The following AP2A2 variants were observed in gnomAD, a reference collection of about 807,000 sequenced individuals.
AP2A2 encodes the protein adaptor related protein complex 2 subunit alpha 2, also known as AP-2 complex subunit alpha-2.
AP2A2 carries 32 observed loss-of-function variants against 104.2 expected under a neutral mutation model. That is an observed-to-expected ratio of 0.31 (90% confidence interval 0.23 to 0.41). The LOEUF (loss-of-function observed/expected upper bound fraction) is 0.41, where lower values mean the gene tolerates loss of function less well. Ranked by LOEUF, AP2A2 falls within the 10% of genes least tolerant of loss-of-function variation. AP2A2 has a pLI of 1.00. For synonymous variants in AP2A2, 539 were observed against 533.3 expected (o/e 1.01, Z -0.15); for missense variants, 912 against 1,261.0 (o/e 0.72, Z 4.19).
intron 1 of AP2A2, among the ~76,000 whole-genome samples, chr11:933,951 A>G (rs547929011): frequency 6.6e-5 from 10 of 152,180 alleles, no homozygotes; most frequent in African/African-American, 2.4e-4. Context: ...GGTTGGGGGT[A>G]TCAAGGCTTC....
Position 927,913 on chromosome 11 carries a change from C to G in AP2A2, c.67+1825C>G, listed in dbSNP as rs189052715. On this transcript the variant is annotated intron_variant, in intron 1 of 21. Coordinates refer to ENST00000448903, the MANE Select transcript of AP2A2 (RefSeq NM_012305.4). ...CTCTTTGTTTGTTACATAATGAGAC[C>G]AACATGCATTTTGTAAAACTAAGTG... 3.3e-5 allele frequency among the ~76,000 whole-genome samples: 5 copies of G among 151,200 alleles called. No individual in the cohort carries two copies. The East Asian group carries it at 7.8e-4, about 23-fold the overall frequency.
Position 944,366 on chromosome 11 carries a change from G to T in AP2A2, c.68-15071G>T, listed in dbSNP as rs568485819. 1.1e-4 allele frequency among the ~76,000 whole-genome samples: 17 copies of T among 152,328 alleles called. No individual in the cohort carries two copies. The South Asian group carries it at 3.1e-3, about 28-fold the overall frequency. ...TATTCTTACCAAGTATTTATTGAGAGCCTGCTACAATGCCAGGCACTTCCC... is the reference window on the plus strand; with the variant it reads ...TATTCTTACCAAGTATTTATTGAGATCCTGCTACAATGCCAGGCACTTCCC... On this transcript the variant is annotated intron_variant, in intron 1 of 21. Transcript: ENST00000448903.
intron 1 of AP2A2, among the ~76,000 whole-genome samples, chr11:928,172 T>C (rs896745996): frequency 4.6e-5 from 7 of 152,208 alleles, no homozygotes; most frequent in Non-Finnish European, 1.5e-5. Flanking sequence ...CCTCCCTTAT[T>C]TGTGGTTTCA....
chr11:932,052 G>T (rs569393823), intron 1 of AP2A2, among the ~76,000 whole-genome samples: 35 of 152,140 alleles, frequency 2.3e-4, no homozygotes, highest in African/African-American at 8.0e-4. Context: ...ACCACGCCCG[G>T]CCAGGTTCAA....
At chr11:1,008,956 G>C in intron 18 of AP2A2, 144 bp from the exon 19 acceptor site, 2 of 648,948 alleles carry the variant, frequency 3.1e-6, no homozygotes, top group Non-Finnish European at 2.7e-6. Flanking sequence ...CACACGATCC[G>C]TGGGGACTGA....
chr11:996,573 G>T (rs756633362), intron 14 of AP2A2, among the ~76,000 whole-genome samples: 1 of 152,134 alleles, frequency 6.6e-6, no homozygotes, highest in Non-Finnish European at 1.5e-5. Flanking sequence ...GACTTTGGAG[G>T]GCCTGGCCTT....
Position 981,275 on chromosome 11 carries a change from T to G in AP2A2, c.681T>G (p.Ser227=), listed in dbSNP as rs376084533. Residue 227 remains serine, a synonymous_variant, in exon 6 of 22, where the codon TCT becomes TCG. Coordinates refer to ENST00000448903, the MANE Select transcript of AP2A2 (RefSeq NM_012305.4). The part of the protein sequence containing the change: ...KNPEEFKTSV[S]LAVSRLSRIV... ...CAGAAGAGTTTAAAACCTCCGTGTCTCTGGCTGTCTCTAGGCTAAGCAGAG... is the reference window on the plus strand; with the variant it reads ...CAGAAGAGTTTAAAACCTCCGTGTCGCTGGCTGTCTCTAGGCTAAGCAGAG... The G allele has an allele frequency of 3.0e-5, 49 of 1,613,104 alleles. 3 individuals are homozygous for G. Among genetic ancestry groups the G allele is most frequent in the East Asian group, 2.0e-4 (9 of 44,888 alleles).
Position 993,714 on chromosome 11 carries a change from G to C in AP2A2, c.1551-40G>C. ...GCGGGGGCGTGCTGCAGCCTGCGAG[G>C]GGACGACGGTGTCCCTGTGTTGTGC... is the stretch of plus-strand genomic sequence containing the variant. On this transcript the variant is annotated intron_variant, in intron 12 of 21. Transcript: ENST00000448903. The surrounding 1 kb of genome is among the most constrained non-coding windows in gnomAD (Gnocchi z 8.2). The C allele has an allele frequency of 6.7e-7, 1 of 1,495,880 alleles. No individual in the cohort carries two copies. The highest frequency in any genetic ancestry group is 9.0e-7 in the Non-Finnish European group (1 of 1,105,980). 92.7% of individuals were successfully genotyped at this position (1,495,880 alleles called of 1,614,324 possible).
intron 9 of AP2A2, 107 bp from the exon 10 acceptor site, chr11:988,445 G>T: frequency 7.1e-7 from 1 of 1,407,496 alleles, no homozygotes; most frequent in South Asian, 1.3e-5. Context: ...TGCATGTGAG[G>T]GAAACTCAGA....
chr11:940,716 T>C (rs1157213940), intron 1 of AP2A2: 1 of 431,076 alleles, frequency 2.3e-6, no homozygotes, highest in Non-Finnish European at 4.7e-6. Context: ...TGGCCCATGC[T>C]GTGAGGTTCT....
intron 15 of AP2A2, among the ~76,000 whole-genome samples, chr11:1,002,459 C>G (rs1316489413): frequency 6.6e-6 from 1 of 152,276 alleles, no homozygotes; most frequent in African/African-American, 2.4e-5. Context: ...CTTTTTGAAG[C>G]TTCGCATGTG....
intron 1 of AP2A2, chr11:948,435 A>G (rs933647018): frequency 2.0e-5 from 3 of 152,288 alleles, no homozygotes; most frequent in Admixed American, 2.0e-4. Context: ...TCACTTTGGC[A>G]ACACATATAC....
chr11:927,115 G>A (rs1007502322), intron 1 of AP2A2, among the ~76,000 whole-genome samples: 1 of 152,076 alleles, frequency 6.6e-6, no homozygotes, highest in Non-Finnish European at 1.5e-5. Flanking sequence ...CTCTCAGGCT[G>A]GAGCGCAGTA....
intron 14 of AP2A2, among the ~76,000 whole-genome samples, chr11:997,626 T>C (rs1054764265): frequency 2.6e-5 from 4 of 152,174 alleles, no homozygotes; most frequent in Non-Finnish European, 5.9e-5. Flanking sequence ...CATAGATGGC[T>C]GGGCATGGTG....
intron 2 of AP2A2, among the ~76,000 whole-genome samples, chr11:967,729 A>G (rs1377716761): frequency 3.9e-5 from 6 of 152,250 alleles, no homozygotes; most frequent in South Asian, 2.1e-4. Context: ...GTCTGAGACC[A>G]CAAGACAAGC....
intron 4 of AP2A2, among the ~76,000 whole-genome samples, chr11:974,701 A>AAAAG (rs1854960448): frequency 2.0e-5 from 3 of 149,466 alleles, no homozygotes; most frequent in Middle Eastern, 3.4e-3. Context: ...AAAAAAAAAA[A>AAAAG]GAAAGCTGGG....
At chr11:989,364 C>T (rs112454869) in intron 10 of AP2A2, among the ~76,000 whole-genome samples, 4 of 152,120 alleles carry the variant, frequency 2.6e-5, no homozygotes, top group South Asian at 2.1e-4. Context: ...GCCCGTCCTG[C>T]GCGGCTTCTG....
chr11:933,468 C>T (rs867101659), intron 1 of AP2A2: 37 of 449,884 alleles, frequency 8.2e-5, no homozygotes, highest in South Asian at 4.0e-4. Flanking sequence ...AGAGAATTTC[C>T]GGGTGGGTGG....
Position 1,009,001 on chromosome 11 carries a change from A to G in AP2A2, c.2421-99A>G. The stretch of plus-strand genomic sequence containing the variant: ...CCCCCGACCCGCTCTGGTGGGTGGC[A>G]GTAGATCGGGACGCTTCTCACTCCA... On this transcript the variant is annotated intron_variant, in intron 18 of 21. Transcript: ENST00000448903. The G allele has an allele frequency of 7.3e-6, 7 of 961,266 alleles. 1 individual carries two copies. In the South Asian group the frequency reaches 1.0e-4, roughly 14 times the overall value. The allele number at this position is 961,266 out of a possible 1,614,324, so 59.5% of individuals were successfully genotyped here. A position where few individuals can be genotyped will look rare whatever the true frequency, so the allele number is the denominator to read the frequency against.
Sources: gnomAD v4.1 joint callset for allele counts (sites outside exome capture counted in the v4.1 genomes callset) on GRCh38, gnomAD v4.1.1 for gene constraint, Gnocchi (gnomAD v3.1) non-coding constraint, MANE v1.5 for transcripts, NCBI Gene and HGNC (gene_info 2026-07-23, HGNC 2026-07-21) for gene names.